Variants in KLF15 observed in about 807,000 individuals in gnomAD.
KLF15 encodes Krueppel-like factor 15.
Under a neutral mutation model 24.6 loss-of-function variants are expected in KLF15, and 4 were observed. That is an observed-to-expected ratio of 0.16 (90% confidence interval 0.08 to 0.37). KLF15 has a LOEUF of 0.37. Among genes scored for constraint, KLF15 ranks in the 10% least tolerant of loss-of-function variants. The pLI, the probability that KLF15 is intolerant of heterozygous loss-of-function variation, is 1.00. For synonymous variants in KLF15, 246 were observed against 236.3 expected (o/e 1.04, Z -0.37); for missense variants, 496 against 560.6 (o/e 0.88, Z 1.16).
the KLF15 span, among the ~76,000 whole-genome samples, chr3:126,302,110 A>G: frequency 1.3e-5 from 2 of 152,182 alleles, no homozygotes; most frequent in African/African-American, 4.8e-5. Flanking sequence ...AACCTTTACA[A>G]TTTTAAAAAA....
chr3:126,317,602 C>T, the KLF15 span, among the ~76,000 whole-genome samples: 1 of 152,064 alleles, frequency 6.6e-6, no homozygotes, highest in Admixed American at 6.5e-5. Context: ...ACTGCGCACC[C>T]CGGAGTGCGG....
chr3:126,292,551 C>A, the KLF15 span, among the ~76,000 whole-genome samples: 1 of 152,094 alleles, frequency 6.6e-6, no homozygotes, highest in Admixed American at 6.6e-5. Context: ...AAGAGAAGGC[C>A]CTGCTCTCAC....
At chr3:126,312,066 G>A in the KLF15 span, among the ~76,000 whole-genome samples, 1 of 152,206 alleles carries the variant, frequency 6.6e-6, no homozygotes, top group Admixed American at 6.5e-5. Context: ...TAGCTCAGAG[G>A]CTATAGCCCC....
At chr3:126,302,620 C>T in the KLF15 span, among the ~76,000 whole-genome samples, 2 of 152,052 alleles carry the variant, frequency 1.3e-5, no homozygotes, top group African/African-American at 2.4e-5. Context: ...GAGTTGGCTC[C>T]ATTAATAATG....
chr3:126,348,080 T>TTCCCAACACCAGAGTTAGC (rs1469903413), intron 2 of KLF15, among the ~76,000 whole-genome samples: 2 of 151,660 alleles, frequency 1.3e-5, no homozygotes, highest in Non-Finnish European at 2.9e-5. Flanking sequence ...GAGGTGGAGG[T>TTCCCAACACCAGAGTTAGC]TCCCAACACC....
At chr3:126,327,271 G>A in the KLF15 span, among the ~76,000 whole-genome samples, 1 of 152,172 alleles carries the variant, frequency 6.6e-6, no homozygotes, top group Non-Finnish European at 1.5e-5. Flanking sequence ...GTCTGGGTGG[G>A]AAGCGTGGGG....
chr3:126,295,879 GC>G, the KLF15 span, among the ~76,000 whole-genome samples: 3 of 152,122 alleles, frequency 2.0e-5, no homozygotes, highest in Non-Finnish European at 4.4e-5. Context: ...GGTTGGATTA[GC>G]CAGGGACCCC....
At chr3:126,328,114 T>C in the KLF15 span, among the ~76,000 whole-genome samples, 1 of 144,240 alleles carries the variant, frequency 6.9e-6, no homozygotes, top group Non-Finnish European at 1.5e-5. Context: ...CCAAAGTCCA[T>C]TGTATCATTC....
At chr3:126,310,801 G>C in the KLF15 span, among the ~76,000 whole-genome samples, 1 of 152,134 alleles carries the variant, frequency 6.6e-6, no homozygotes, top group Non-Finnish European at 1.5e-5. Flanking sequence ...TCTCCAAATA[G>C]AGTCCTTTTC....
rs1002206551 is a variant in KLF15 at position 126,356,780 on chromosome 3, C to A, written c.-26+457G>T. Among the ~76,000 whole-genome samples the A allele has an allele frequency of 6.6e-6, 1 of 152,032 alleles. No homozygotes were observed. The highest frequency in any genetic ancestry group is 2.4e-5 in the African/African-American group (1 of 41,408). ...GTCCTGGACCGCTGCCCGCTGGGCA[C>A]CATGCCCTCGTCCCACGCCCCCCCC... On this transcript the variant is annotated intron_variant, in intron 1 of 2. Transcript: ENST00000296233. This position sits in a 1 kb window ranked among gnomAD's most constrained non-coding sequence, Gnocchi z 4.4.
At chr3:126,349,034 G>C (rs1458101749) in intron 2 of KLF15, among the ~76,000 whole-genome samples, 1 of 152,082 alleles carries the variant, frequency 6.6e-6, no homozygotes, top group African/African-American at 2.4e-5. Context: ...TCCAGACCCA[G>C]CTGCCCCAAA....
chr3:126,296,312 A>G, the KLF15 span, among the ~76,000 whole-genome samples: 27 of 152,224 alleles, frequency 1.8e-4, no homozygotes, highest in African/African-American at 5.8e-4. Flanking sequence ...GGTTCACGCC[A>G]TTCTCCTGCC....
In KLF15 at chr3:126,343,460, G is replaced by GT; in HGVS notation, c.*266_*267insA. The GT allele has an allele frequency of 2.7e-6, 1 of 373,768 alleles. No individual in the cohort carries two copies. Among genetic ancestry groups the GT allele is most frequent in the East Asian group, 5.9e-5 (1 of 16,822 alleles). 23.2% of individuals were successfully genotyped at this position (373,768 alleles called of 1,614,324 possible). A position where few individuals can be genotyped will look rare whatever the true frequency, so the allele number is the denominator to read the frequency against. On this transcript the variant is annotated 3_prime_UTR_variant, in exon 3 of 3. Coordinates refer to ENST00000296233, the MANE Select transcript of KLF15 (RefSeq NM_014079.4). ...GCTGCAGCAGAGGCCTGGCCACCGC[G>GT]GGAAGGCACGAAGGCACGAAGGCAC... is the stretch of plus-strand genomic sequence containing the variant.
At chr3:126,307,161 C>T in the KLF15 span, among the ~76,000 whole-genome samples, 1 of 152,328 alleles carries the variant, frequency 6.6e-6, no homozygotes, top group African/African-American at 2.4e-5. Context: ...ACCCGTCAGC[C>T]TTCAGGCCCC....
At position 126,352,587 on chromosome 3, in the gene KLF15, C is replaced by T. The variant is rs778143059; in HGVS notation, c.336G>A (p.Ala112=). ...PVAWGPWRRA[A]APVKGEHFCL... ...AGAAATGCTCCCCCTTCACAGGGGC[C>T]GCTGCCCTTCGCCAGGGCCCCCAGG... The change falls in exon 2 of 3, where the codon GCG becomes GCA. Residue 112 remains alanine, a synonymous_variant. Coordinates refer to ENST00000296233, the MANE Select transcript of KLF15 (RefSeq NM_014079.4). 4.1e-5 allele frequency: 66 copies of T among 1,612,014 alleles called. 1 individual carries two copies. In the South Asian group the frequency reaches 5.6e-4, roughly 14 times the overall value.
rs1376798047 is a variant in KLF15 at position 126,342,951 on chromosome 3, C to T, written c.*776G>A. 1 of 152,428 alleles carries T rather than the reference C, an allele frequency of 6.6e-6. No individual in the cohort carries two copies. The highest frequency in any genetic ancestry group is 1.5e-5 in the Non-Finnish European group (1 of 67,990). The allele number at this position is 152,428 out of a possible 1,614,324, so 9.4% of individuals were successfully genotyped here. ...CTAGTTCTCTCACACCCAGGACAGC[C>T]TGGCCCTCTCCTCCCAAGGCCACCC... is the stretch of plus-strand genomic sequence containing the variant. On this transcript the variant is annotated 3_prime_UTR_variant, in exon 3 of 3. Coordinates refer to ENST00000296233, the MANE Select transcript of KLF15 (RefSeq NM_014079.4).
the KLF15 span, among the ~76,000 whole-genome samples, chr3:126,314,586 G>C: frequency 2.6e-5 from 4 of 152,206 alleles, no homozygotes; most frequent in Admixed American, 1.3e-4. Flanking sequence ...CCAGGCTCTT[G>C]CTACTAGAAC....
the KLF15 span, among the ~76,000 whole-genome samples, chr3:126,292,849 T>C: frequency 5.3e-5 from 8 of 150,958 alleles, no homozygotes; most frequent in Non-Finnish European, 1.0e-4. Flanking sequence ...TAAGAAGTCA[T>C]TGCAGGGGTC....
chr3:126,337,587 G>A, the KLF15 span, among the ~76,000 whole-genome samples: 1 of 131,566 alleles, frequency 7.6e-6, no homozygotes, highest in African/African-American at 2.9e-5. Context: ...TAAAAAAAAA[G>A]TCTAGTGGGA....
Sources: allele counts gnomAD v4.1 joint callset (sites outside exome capture counted in the v4.1 genomes callset), GRCh38; gene constraint gnomAD v4.1.1; non-coding constraint Gnocchi (gnomAD v3.1); transcripts MANE v1.5; gene names NCBI Gene and HGNC (gene_info 2026-07-23, HGNC 2026-07-21).